SLC25A30: variants seen among roughly 807,000 people sequenced by gnomAD.
SLC25A30 encodes solute carrier family 25 member 30.
SLC25A30 carries 29 observed loss-of-function variants against 42.7 expected under a neutral mutation model. The ratio of observed to expected loss-of-function variants is 0.68; its 90% CI spans 0.51 to 0.93. The LOEUF (loss-of-function observed/expected upper bound fraction) is 0.93, where lower values mean the gene tolerates loss of function less well. Among genes scored for constraint, SLC25A30 ranks in the 40% least tolerant of loss-of-function variants. The pLI, the probability that SLC25A30 is intolerant of heterozygous loss-of-function variation, is 0.00. For missense variants in SLC25A30, 300 were observed against 359.7 expected, an observed-to-expected ratio of 0.83 and a Z score of 1.34; for synonymous variants, 124 against 131.0, an observed-to-expected ratio of 0.95 and a Z score of 0.37.
chr13:45,406,049 C>T, intron 3 of SLC25A30, 72 bp from the exon 4 acceptor site: 1 of 1,355,228 alleles, frequency 7.4e-7, no homozygotes, highest in Non-Finnish European at 1.1e-6. Context: ...AACCCACATG[C>T]AGAGTGCCAT....
At chr13:45,428,365 C>T in the SLC25A30 span, among the ~76,000 whole-genome samples, 1 of 149,092 alleles carries the variant, frequency 6.7e-6, no homozygotes. Flanking sequence ...CATGCCACCA[C>T]ACCCGGCTAA....
chr13:45,423,466 T>A, the SLC25A30 span, among the ~76,000 whole-genome samples: 1 of 143,596 alleles, frequency 7.0e-6, no homozygotes, highest in Non-Finnish European at 1.5e-5. Context: ...TGGACCAATT[T>A]ATCCAGTAGC....
the SLC25A30 span, among the ~76,000 whole-genome samples, chr13:45,425,263 T>C: frequency 9.4e-6 from 1 of 105,884 alleles, no homozygotes; most frequent in Non-Finnish European, 1.7e-5. Flanking sequence ...TATACGTATA[T>C]ATACGTATAC....
rs142193673 is a variant in SLC25A30, at chr13:45,401,154, C to T, written c.543G>A (p.Pro181=). The change falls in exon 7 of 10, where the codon CCG becomes CCA. Residue 181 remains proline (P), a synonymous_variant. Transcript: ENST00000519676. Reference sequence around the variant, plus strand: ...GATGCTTCTTGGTGATGTCATAGACCGGCAGCTCCACACCAACAACAATAG... The same window carrying T: ...GATGCTTCTTGGTGATGTCATAGACTGGCAGCTCCACACCAACAACAATAG... The part of the protein sequence containing the change: ...RAAIVVGVEL[P]VYDITKKHLI... 87 of 1,613,802 alleles carry T rather than the reference C, an allele frequency of 5.4e-5. No homozygotes were observed. The highest frequency in any genetic ancestry group is 1.5e-4 in the Admixed American group (9 of 59,992).
At chr13:45,400,556 G>A (rs1026424807) in intron 7 of SLC25A30, among the ~76,000 whole-genome samples, 2 of 152,050 alleles carry the variant, frequency 1.3e-5, no homozygotes, top group South Asian at 2.1e-4. Context: ...GGGTTCCGTC[G>A]CCCAGTCAAG....
chr13:45,404,713 G>C (rs1012845422), intron 4 of SLC25A30, among the ~76,000 whole-genome samples: 4 of 152,142 alleles, frequency 2.6e-5, no homozygotes, highest in Non-Finnish European at 5.9e-5. Context: ...CAGCTACTTG[G>C]AGGCTGAGGC....
chr13:45,399,170 A>G, intron 7 of SLC25A30, 92 bp from the exon 8 acceptor site: 2 of 1,270,812 alleles, frequency 1.6e-6, no homozygotes, highest in Non-Finnish European at 2.2e-6. Context: ...TGCCCAAACT[A>G]TGGGGTTTTC....
At chr13:45,402,200 A>T in intron 6 of SLC25A30, 75 bp downstream of exon 6, 3 of 1,127,616 alleles carry the variant, frequency 2.7e-6, no homozygotes, top group Non-Finnish European at 4.0e-6. Context: ...GATTAAAATT[A>T]AGTGATAGAA....
chr13:45,397,532 A>C (rs1431473050), intron 8 of SLC25A30, 194 bp from the exon 9 acceptor site: 1 of 425,916 alleles, frequency 2.3e-6, no homozygotes, highest in Admixed American at 4.0e-5. Context: ...CTCTACTAAA[A>C]ATACAAAAAA....
chr13:45,430,667 G>A, the SLC25A30 span, among the ~76,000 whole-genome samples: 1 of 152,180 alleles, frequency 6.6e-6, no homozygotes, highest in African/African-American at 2.4e-5. Context: ...AAATTAGCCA[G>A]ACATGGTGGT....
At chr13:45,408,842 T>C (rs1433075848) in intron 3 of SLC25A30, 85 bp downstream of exon 3, 4 of 1,246,686 alleles carry the variant, frequency 3.2e-6, no homozygotes, top group African/African-American at 3.1e-5. Flanking sequence ...AACTTTTTAC[T>C]TGTGATCTGT....
the SLC25A30 span, among the ~76,000 whole-genome samples, chr13:45,428,114 G>T: frequency 6.6e-6 from 1 of 152,030 alleles, no homozygotes; most frequent in African/African-American, 2.4e-5. Flanking sequence ...TTTGAGGAGG[G>T]TCTGTTGTAA....
intron 1 of SLC25A30, among the ~76,000 whole-genome samples, chr13:45,414,619 A>AACACACACACACACACACACAC (rs772452713): frequency 9.1e-6 from 1 of 110,412 alleles, no homozygotes; most frequent in African/African-American, 4.0e-5. Flanking sequence ...CTTTGTCTCA[A>AACACACACACACACACACACAC]ACACACACAC....
chr13:45,405,531 T>C (rs1165785224), intron 4 of SLC25A30, among the ~76,000 whole-genome samples: 4 of 152,218 alleles, frequency 2.6e-5, no homozygotes, highest in Non-Finnish European at 2.9e-5. Flanking sequence ...GTGTTGTTAA[T>C]ATTAAGAAAT....
At chr13:45,424,580 T>TATAAATATATAAAAATATATATAA in the SLC25A30 span, among the ~76,000 whole-genome samples, 66 of 36,158 alleles carry the variant, frequency 1.8e-3, 5 homozygotes, top group African/African-American at 6.4e-3. Context: ...AATATATAAA[T>TATAAATATATAAAAATATATATAA]ATATATAAAT....
chr13:45,411,307 A>G, intron 2 of SLC25A30, 55 bp downstream of exon 2: 1 of 1,257,046 alleles, frequency 8.0e-7, no homozygotes, highest in South Asian at 1.2e-5. Context: ...CTACATTCAC[A>G]TCAAACACCA....
the SLC25A30 span, among the ~76,000 whole-genome samples, chr13:45,424,118 T>TATATATAA: frequency 2.1e-4 from 21 of 98,430 alleles, 1 homozygote; most frequent in African/African-American, 8.6e-4. Context: ...TATATATAAA[T>TATATATAA]ATATATAAAT....
the SLC25A30 span, among the ~76,000 whole-genome samples, chr13:45,424,104 A>AATATATAT: frequency 2.1e-4 from 8 of 37,462 alleles, no homozygotes; most frequent in African/African-American, 7.5e-4. Context: ...TAAATATATA[A>AATATATAT]AAATATATAT....
At position 45,408,998 on chromosome 13, in the gene SLC25A30, A is replaced by G. The variant is rs1487505818; in HGVS notation, c.141T>C (p.Ile47=). 1.2e-6 allele frequency: 2 copies of G among 1,613,784 alleles called. No homozygotes were observed. Among genetic ancestry groups the G allele is most frequent in the East Asian group, 4.5e-5 (2 of 44,856 alleles). Residue 47 remains isoleucine, a synonymous_variant, in exon 3 of 10, where the codon ATT becomes ATC. Transcript: ENST00000519676. Reference sequence around the variant, plus strand: ...ATGCGTGCAACATTCCTCGGTATCTAATTTCCTTAAATTTTGCATCATTCG... The same window carrying G: ...ATGCGTGCAACATTCCTCGGTATCTGATTTCCTTAAATTTTGCATCATTCG... ...GQTNDAKFKE[I]RYRGMLHALV...
Sources: gnomAD v4.1 joint callset for allele counts (sites outside exome capture counted in the v4.1 genomes callset) on GRCh38, gnomAD v4.1.1 for gene constraint, MANE v1.5 for transcripts, NCBI Gene and HGNC (gene_info 2026-07-23, HGNC 2026-07-21) for gene names.